The following KMT2D variants were observed in gnomAD, a reference collection of about 807,000 sequenced individuals.
KMT2D encodes lysine methyltransferase 2D.
In KMT2D, 55 loss-of-function variants were observed where a neutral mutation model predicts 512.7. The observed-to-expected ratio is 0.11, with a 90% confidence interval of 0.09 to 0.13. The LOEUF (loss-of-function observed/expected upper bound fraction) is 0.13. Ranked by LOEUF, KMT2D falls within the 10% of genes least tolerant of loss-of-function variation. The pLI is 1.00. For synonymous variants in KMT2D, 2,995 were observed against 2,904.0 expected, an observed-to-expected ratio of 1.03 and a Z score of -1.01; for missense variants, 6,061 against 7,127.9, an observed-to-expected ratio of 0.85 and a Z score of 5.39.
chr12:49,030,508 A>G (rs1420284990), intron 42 of KMT2D, 69 bp from the exon 43 acceptor site: 1 of 1,429,976 alleles, frequency 7.0e-7, no homozygotes, highest in East Asian at 2.4e-5. Context: ...TCCTGGCCCC[A>G]CTCTACGTCA....
rs528040960 is a variant in KMT2D, at chr12:49,047,176, G to A, written c.4237-386C>T. On this transcript the variant is annotated intron_variant, in intron 15 of 54. Coordinates refer to ENST00000301067, the MANE Select transcript of KMT2D (RefSeq NM_003482.4). ...TAGGAGGTGGAACTTCTAAGGGTGA[G>A]GCTGGAGGCAGCCCAATGCAGAGAC... 3.3e-5 allele frequency among the ~76,000 whole-genome samples: 5 copies of A among 152,066 alleles called. No individual in the cohort carries two copies. The South Asian group carries it at 1.0e-3, about 32-fold the overall frequency.
rs935253201 is a variant in KMT2D at position 49,029,687 on chromosome 12, T to G, written c.14000-211A>C. ...TTTTTTGTTTTTTTTGTTTTTTTTTTTTTTTTCCCGTAGAGATGGGGTCTT... is the reference window on the plus strand; with the variant it reads ...TTTTTTGTTTTTTTTGTTTTTTTTTGTTTTTTCCCGTAGAGATGGGGTCTT... On this transcript the variant is annotated intron_variant, in intron 43 of 54. Transcript: ENST00000301067. 8.0e-4 allele frequency among the ~76,000 whole-genome samples: 122 copies of G among 151,696 alleles called. 1 individual carries two copies. Among genetic ancestry groups the G allele is most frequent in the African/African-American group, 1.7e-3 (72 of 41,380 alleles).
chr12:49,027,303 G>A lies in KMT2D; in HGVS notation c.14663C>T (p.Pro4888Leu), dbSNP rs1263451513. 6.5e-7 allele frequency: 1 copy of A among 1,529,612 alleles called. No homozygotes were observed. The allele number at this position is 1,529,612 out of a possible 1,614,324, so 94.8% of individuals were successfully genotyped here. A position where few individuals can be genotyped will look rare whatever the true frequency, so the allele number is the denominator to read the frequency against. ...GTAGGTATAGCTGTGCTGAGTGGGT[G>A]GCTCTGGGGCGGGGCTCTCCTGTAG... ...LLKQESPAPE[P>L]PTQHSYTYNV... Residue 4888 changes from proline to leucine, a missense_variant, in exon 49 of 55, where the codon CCA (proline) becomes CTA (leucine). Pro to Leu is a moderately conservative substitution (Grantham distance 98). Around this residue, in one of 16 missense-constraint regions of KMT2D, gnomAD observed 1,600 missense variants for 1,754.9 expected, o/e 0.91. Coordinates refer to ENST00000301067, the MANE Select transcript of KMT2D (RefSeq NM_003482.4).
rs1431038360 is a variant in KMT2D at position 49,051,425 on chromosome 12, G to C, written c.2258C>G (p.Ser753Cys). The C allele has an allele frequency of 3.1e-6, 5 of 1,609,218 alleles. No individual in the cohort carries two copies. Among genetic ancestry groups the C allele is most frequent in the Non-Finnish European group, 4.2e-6 (5 of 1,178,918 alleles). Residue 753 changes from serine (S) to cysteine (C), a missense_variant, in exon 11 of 55, where the codon TCC becomes TGC. Ser to Cys is a moderately radical substitution (Grantham distance 112, BLOSUM62 -1). This residue lies in a region of KMT2D where 848 missense variants were observed against 838.5 expected (regional missense o/e 1.01). Transcript: ENST00000301067. ...LSPRPEEPHL[S>C]PRPEEPHLSP... ...TAGGTGTGGCTCCTCAGGCCGGGGGGACAGGTGCGGCTCCTCAGGCCGGGG... is the reference window on the plus strand; with the variant it reads ...TAGGTGTGGCTCCTCAGGCCGGGGGCACAGGTGCGGCTCCTCAGGCCGGGG...
intron 1 of KMT2D, among the ~76,000 whole-genome samples, chr12:49,057,290 A>G (rs1170167575): frequency 1.3e-5 from 2 of 152,186 alleles, no homozygotes; most frequent in Admixed American, 1.3e-4. Flanking sequence ...AAGATCCTCT[A>G]CCCGCTCTGG....
Position 49,041,475 on chromosome 12 carries a change from GGTCAGTCTTACGGGCTAT to G in KMT2D, c.6277_6294del (p.Ile2093_Asp2098del). The G allele has an allele frequency of 6.2e-7, 1 of 1,613,492 alleles. No homozygotes were observed. The highest frequency in any genetic ancestry group is 8.5e-7 in the Non-Finnish European group (1 of 1,179,590). On this transcript the variant is annotated inframe_deletion, in exon 32 of 55. Coordinates refer to ENST00000301067, the MANE Select transcript of KMT2D (RefSeq NM_003482.4). The surrounding 1 kb of genome is among the most constrained non-coding windows in gnomAD (Gnocchi z 5.4). The stretch of plus-strand genomic sequence containing the variant: ...GGAATGCGGAGATGTAGGGCCGGTC[GGTCAGTCTTACGGGCTAT>G]GTCGCCCACCTTGGTCTGCTTGTTG...
chr12:49,033,473 C>T lies in KMT2D; in HGVS notation c.11232G>A (p.Gln3744=), dbSNP rs770391660. 5 of 1,610,640 alleles carry T rather than the reference C, an allele frequency of 3.1e-6. No individual in the cohort carries two copies. In the African/African-American group the frequency reaches 6.7e-5, roughly 22 times the overall value. The part of the protein sequence containing the change: ...LQQQQQQQQQ[Q]QHLLGQVAIQ... The stretch of plus-strand genomic sequence containing the variant: ...TTGCCACCTGTCCTAGAAGGTGCTG[C>T]TGCTGCTGTTGCTGCTGCTGCTGCT... The change falls in exon 40 of 55, where the codon CAG becomes CAA. Residue 3744 remains glutamine, a synonymous_variant. Coordinates refer to ENST00000301067, the MANE Select transcript of KMT2D (RefSeq NM_003482.4).
chr12:49,038,296 C>T lies in KMT2D; in HGVS notation c.9060G>A (p.Lys3020=), dbSNP rs2120493803. 1 of 1,613,856 alleles carries T rather than the reference C, an allele frequency of 6.2e-7. No individual in the cohort carries two copies. Among genetic ancestry groups the T allele is most frequent in the Non-Finnish European group, 8.5e-7 (1 of 1,179,876 alleles). ...AHLGLGVDVA[K]GDDELGTLEN... is the part of the protein sequence containing the mutation. ...CTAAGGTGCCAAGTTCATCATCACC[C>T]TTGGCCACATCCACACCCAGACCCA... The change falls in exon 35 of 55, where the codon AAG becomes AAA. Residue 3020 remains lysine (K), a synonymous_variant. Transcript: ENST00000301067. This position sits in a 1 kb window ranked among gnomAD's most constrained non-coding sequence, Gnocchi z 5.7.
At position 49,053,579 on chromosome 12, in the gene KMT2D, T is replaced by C; in HGVS notation, c.736A>G (p.Ser246Gly). Residue 246 changes from serine (S) to glycine (G), a missense_variant, in exon 7 of 55, where the codon AGC becomes GGC. Ser to Gly is a moderately conservative substitution (Grantham distance 56, BLOSUM62 0). Transcript: ENST00000301067. The stretch of plus-strand genomic sequence containing the variant: ...GCCCCGTGATAGTGATGCCCACAGC[T>C]GGTACAGAAGAACAGGTCACACAAC... The part of the protein sequence containing the change: ...GELCDLFFCT[S>G]CGHHYHGACL... 6.3e-7 allele frequency: 1 copy of C among 1,599,866 alleles called. No homozygotes were observed. Among genetic ancestry groups the C allele is most frequent in the South Asian group, 1.1e-5 (1 of 88,548 alleles).
At chr12:49,028,748 A>G in intron 46 of KMT2D, 80 bp downstream of exon 46, 1 of 1,572,200 alleles carries the variant, frequency 6.4e-7, no homozygotes, top group South Asian at 1.2e-5. Context: ...GAACGACTAC[A>G]TTTTTCCTTA....
Position 49,041,882 on chromosome 12 carries a change from G to C in KMT2D, c.6183+35C>G. On this transcript the variant is annotated intron_variant, in intron 30 of 54. Coordinates refer to ENST00000301067, the MANE Select transcript of KMT2D (RefSeq NM_003482.4). This position sits in a 1 kb window ranked among gnomAD's most constrained non-coding sequence, Gnocchi z 5.4. ...CCCAAAGATCCCTCCCTCCCTCTCA[G>C]TTCCCACGCTAATCCATGCTCCTTT... The C allele has an allele frequency of 6.3e-7, 1 of 1,575,252 alleles. No individual in the cohort carries two copies. Among genetic ancestry groups the C allele is most frequent in the African/African-American group, 1.3e-5 (1 of 74,370 alleles).
Position 49,041,878 on chromosome 12 carries a change from C to T in KMT2D, c.6183+39G>A. 6.4e-7 allele frequency: 1 copy of T among 1,570,336 alleles called. No individual in the cohort carries two copies. Among genetic ancestry groups the T allele is most frequent in the South Asian group, 1.2e-5 (1 of 86,398 alleles). On this transcript the variant is annotated intron_variant, in intron 30 of 54. Transcript: ENST00000301067. This position sits in a 1 kb window ranked among gnomAD's most constrained non-coding sequence, Gnocchi z 5.4. ...ATTACCCAAAGATCCCTCCCTCCCT[C>T]TCAGTTCCCACGCTAATCCATGCTC... is the stretch of plus-strand genomic sequence containing the variant.
intron 35 of KMT2D, among the ~76,000 whole-genome samples, chr12:49,036,788 T>A (rs910740203): frequency 6.6e-6 from 1 of 152,142 alleles, no homozygotes; most frequent in Admixed American, 6.6e-5. Flanking sequence ...GCATGAGCCA[T>A]TGTGCCTGGC....
chr12:49,050,161 T>G lies in KMT2D; in HGVS notation c.3427A>C (p.Ser1143Arg). ...GAGCCTTTAAGTTCACTAGCCAAACTGCCAGGGGTCTGTCCAGGCTCTGGC... is the reference window on the plus strand; with the variant it reads ...GAGCCTTTAAGTTCACTAGCCAAACGGCCAGGGGTCTGTCCAGGCTCTGGC... Reference protein sequence around the residue: ...SQPEPGQTPGSLASELKGSPV... With the variant: ...SQPEPGQTPGRLASELKGSPV... The change falls in exon 12 of 55, where the codon AGT (serine) becomes CGT (arginine). Residue 1143 changes from serine to arginine, a missense_variant. This residue lies in a region of KMT2D where 447 missense variants were observed against 500.1 expected (regional missense o/e 0.89). Coordinates refer to ENST00000301067, the MANE Select transcript of KMT2D (RefSeq NM_003482.4). 6.2e-7 allele frequency: 1 copy of G among 1,613,638 alleles called. No homozygotes were observed. The highest frequency in any genetic ancestry group is 1.3e-5 in the African/African-American group (1 of 75,018).
chr12:49,052,918 C>G lies in KMT2D; in HGVS notation c.1109G>C (p.Ser370Thr). The G allele has an allele frequency of 6.2e-7, 1 of 1,613,944 alleles. No homozygotes were observed. Among genetic ancestry groups the G allele is most frequent in the Non-Finnish European group, 8.5e-7 (1 of 1,179,810 alleles). ...SVAEQHTPVC[S>T]RFSPPEPGDT... ...TCAGTCAGTCCCCACCACTTACCTG[C>G]TACACACCGGGGTATGCTGCTCAGC... The change falls in exon 9 of 55, where the codon AGC becomes ACC. Residue 370 changes from serine (S) to threonine (T), a missense_variant. By Grantham distance (58) the Ser-to-Thr change is moderately conservative. Around this residue, in one of 16 missense-constraint regions of KMT2D, gnomAD observed 848 missense variants for 838.5 expected, o/e 1.01. Transcript: ENST00000301067.
rs2120656029 is a variant in KMT2D at position 49,050,735 on chromosome 12, C to G, written c.2853G>C (p.Leu951=). ...GGTACTCTAACTCCCCCAAAGGAGA[C>G]AGGGCCGGTGGGGCCGCAGCTGTGA... The part of the protein sequence containing the change: ...PIITAAAPPA[L]SPLGELEYPF... The change falls in exon 12 of 55, where the codon CTG becomes CTC. Residue 951 remains leucine, a synonymous_variant. Transcript: ENST00000301067. 1 of 1,613,166 alleles carries G rather than the reference C, an allele frequency of 6.2e-7. No individual in the cohort carries two copies. The highest frequency in any genetic ancestry group is 8.5e-7 in the Non-Finnish European group (1 of 1,179,498).
Position 49,043,229 on chromosome 12 carries a change from G to A in KMT2D, c.5534-43C>T, listed in dbSNP as rs1220109980. 7 of 1,564,082 alleles carry A rather than the reference G, an allele frequency of 4.5e-6. No individual in the cohort carries two copies. In the East Asian group the frequency reaches 1.6e-4, roughly 35 times the overall value. ...AACCCATGGGTCAAGGCCAGGATGG[G>A]TCATGGCCACTCTGAACCACAGAGG... On this transcript the variant is annotated intron_variant, in intron 25 of 54. Transcript: ENST00000301067.
intron 49 of KMT2D, among the ~76,000 whole-genome samples, chr12:49,025,680 G>A (rs767196180): frequency 1.3e-5 from 2 of 152,134 alleles, no homozygotes; most frequent in African/African-American, 2.4e-5. Context: ...GGGCATAATC[G>A]TAGTATAATA....
At position 49,029,611 on chromosome 12, in the gene KMT2D, G is replaced by T. The variant is rs1216706527; in HGVS notation, c.14000-135C>A. ...AGCTGTCCTCCCACCTACCAGTTTG[G>T]GGCAAACAAGGTATATTTATTGAGT... On this transcript the variant is annotated intron_variant, in intron 43 of 54. Transcript: ENST00000301067. 7 of 640,316 alleles carry T rather than the reference G, an allele frequency of 1.1e-5. No individual in the cohort carries two copies. In the Admixed American group the frequency reaches 1.1e-4, roughly 10 times the overall value. 39.7% of individuals were successfully genotyped at this position (640,316 alleles called of 1,614,324 possible).
Sources: allele counts gnomAD v4.1 joint callset (sites outside exome capture counted in the v4.1 genomes callset), GRCh38; gene constraint gnomAD v4.1.1; regional missense constraint gnomAD v4.1.1; non-coding constraint Gnocchi (gnomAD v3.1); transcripts MANE v1.5; gene names NCBI Gene and HGNC (gene_info 2026-07-23, HGNC 2026-07-21).